SLC39A11: variants seen among roughly 807,000 people sequenced by gnomAD.
SLC39A11 encodes zinc transporter ZIP11.
Under a neutral mutation model 36.1 loss-of-function variants are expected in SLC39A11, and 33 were observed. The ratio of observed to expected loss-of-function variants is 0.91; its 90% confidence interval spans 0.69 to 1.22. SLC39A11 has a LOEUF of 1.22. Ranked by LOEUF, SLC39A11 falls within the 50% of genes most tolerant of loss-of-function variation. SLC39A11 has a pLI of 0.00. For missense variants in SLC39A11, 432 were observed against 430.3 expected, an observed-to-expected ratio of 1.00 and a Z score of -0.03; for synonymous variants, 166 against 170.3, an observed-to-expected ratio of 0.97 and a Z score of 0.20.
intron 7 of SLC39A11, among the ~76,000 whole-genome samples, chr17:72,658,018 G>T (rs909877675): frequency 1.1e-4 from 17 of 152,234 alleles, no homozygotes; most frequent in Admixed American, 1.1e-3. Context: ...AAGCAGAAGG[G>T]ATGGCCTCCC....
chr17:72,862,681 G>C (rs1182574629), intron 5 of SLC39A11, among the ~76,000 whole-genome samples: 9 of 152,142 alleles, frequency 5.9e-5, no homozygotes, highest in African/African-American at 1.9e-4. Context: ...AAAAATGAAG[G>C]TTTGAGAAAT....
At chr17:72,805,353 C>A (rs879925589) in intron 6 of SLC39A11, among the ~76,000 whole-genome samples, 1 of 152,160 alleles carries the variant, frequency 6.6e-6, no homozygotes, top group African/African-American at 2.4e-5. Context: ...TCGACAACTG[C>A]CCCTGCTTGG....
At position 73,026,978 on chromosome 17, in the gene SLC39A11, C is replaced by T. The variant is rs532315958; in HGVS notation, c.306+4578G>A. Among the ~76,000 whole-genome samples the T allele has an allele frequency of 2.9e-3, 437 of 152,048 alleles. 1 individual carries two copies. Among genetic ancestry groups the T allele is most frequent in the Non-Finnish European group, 5.0e-3 (337 of 67,976 alleles). ...TACCAAAAAAAAATTAAAAATTAGC[C>T]GGGCATGGTAGCACACGCCTGTGGT... On this transcript the variant is annotated intron_variant, in intron 4 of 9. Transcript: ENST00000255559.
At position 72,722,286 on chromosome 17, in the gene SLC39A11, G is replaced by A. The variant is rs748543455; in HGVS notation, c.671+14364C>T. Among the ~76,000 whole-genome samples the A allele has an allele frequency of 3.4e-4, 51 of 152,094 alleles. 2 individuals carry two copies. The highest frequency in any genetic ancestry group is 6.8e-4 in the Non-Finnish European group (46 of 68,038). Reference sequence around the variant, plus strand: ...TCTGCACACAGGGAAAGACAACAGGGAAGCAAAAGTCAAGGGAACACATTT... The same window carrying A: ...TCTGCACACAGGGAAAGACAACAGGAAAGCAAAAGTCAAGGGAACACATTT... On this transcript the variant is annotated intron_variant, in intron 7 of 9. Transcript: ENST00000255559.
chr17:72,773,667 ACACACACACACC>A lies in SLC39A11; in HGVS notation c.602-36960_602-36949del, dbSNP rs973134801. ...CTTACACACACACACACACACACACACACACACACACCCAGTATATAAAGGATATCAGTGTCA... is the reference window on the plus strand; with the variant it reads ...CTTACACACACACACACACACACACACAGTATATAAAGGATATCAGTGTCA... On this transcript the variant is annotated intron_variant, in intron 6 of 9. Transcript: ENST00000255559. 9.9e-4 allele frequency among the ~76,000 whole-genome samples: 149 copies of A among 151,266 alleles called. 1 individual carries two copies. In the East Asian group the frequency reaches 0.025, roughly 26 times the overall value.
At chr17:72,700,158 G>A (rs1290134224) in intron 7 of SLC39A11, among the ~76,000 whole-genome samples, 1 of 152,186 alleles carries the variant, frequency 6.6e-6, no homozygotes, top group Non-Finnish European at 1.5e-5. Flanking sequence ...GCGGGAGATG[G>A]GCAAAGTTTG....
chr17:72,951,738 T>C lies in SLC39A11; in HGVS notation c.307-3863A>G, dbSNP rs1455342298. Among the ~76,000 whole-genome samples, 9 of 152,102 alleles carry C rather than the reference T, an allele frequency of 5.9e-5. No individual in the cohort carries two copies. In the East Asian group the frequency reaches 1.5e-3, roughly 26 times the overall value. ...CTGGTTTCTGGTTTGTGCCGGGTGATGTTCCAAGCATTTTACATGTACTAG... is the reference window on the plus strand; with the variant it reads ...CTGGTTTCTGGTTTGTGCCGGGTGACGTTCCAAGCATTTTACATGTACTAG... On this transcript the variant is annotated intron_variant, in intron 4 of 9. Transcript: ENST00000255559.
chr17:72,705,557 C>A (rs1216045468), intron 7 of SLC39A11, among the ~76,000 whole-genome samples: 1 of 152,202 alleles, frequency 6.6e-6, no homozygotes, highest in Non-Finnish European at 1.5e-5. Flanking sequence ...GTTGGCCCAT[C>A]TCTTCCATCT....
chr17:72,719,804 T>G (rs1157004315), intron 7 of SLC39A11, among the ~76,000 whole-genome samples: 1 of 151,814 alleles, frequency 6.6e-6, no homozygotes, highest in Non-Finnish European at 1.5e-5. Context: ...GCCAGGGACT[T>G]GGGTGGGGGT....
intron 5 of SLC39A11, among the ~76,000 whole-genome samples, chr17:72,898,450 C>T (rs7215535): frequency 0.26 from 39,046 of 152,066 alleles, 5,649 homozygotes; most frequent in East Asian, 0.41. Context: ...GGAGGGAAGG[C>T]ATGAATTTCT....
intron 5 of SLC39A11, among the ~76,000 whole-genome samples, chr17:72,927,727 G>GCTCA (rs773277398): frequency 6.6e-6 from 1 of 151,992 alleles, no homozygotes; most frequent in Non-Finnish European, 1.5e-5. Context: ...AGAGCACAGG[G>GCTCA]CTCAGATGGT....
At chr17:72,914,027 G>GGGCCA (rs2083186156) in intron 5 of SLC39A11, among the ~76,000 whole-genome samples, 1 of 149,616 alleles carries the variant, frequency 6.7e-6, no homozygotes, top group Non-Finnish European at 1.5e-5. Context: ...AAAAAAGGCT[G>GGGCCA]GGTGTGGTGA....
At chr17:72,887,863 A>G (rs896497239) in intron 5 of SLC39A11, among the ~76,000 whole-genome samples, 2 of 152,196 alleles carry the variant, frequency 1.3e-5, no homozygotes, top group African/African-American at 4.8e-5. Flanking sequence ...CTCAGTCCTA[A>G]CTAAATACAA....
intron 7 of SLC39A11, among the ~76,000 whole-genome samples, chr17:72,684,156 G>A (rs533684000): frequency 5.3e-5 from 8 of 152,258 alleles, no homozygotes; most frequent in South Asian, 2.1e-4. Flanking sequence ...ATGATTATCC[G>A]TAGGCTCCCT....
intron 7 of SLC39A11, among the ~76,000 whole-genome samples, chr17:72,714,009 A>G (rs2143381598): frequency 6.6e-6 from 1 of 152,340 alleles, no homozygotes; most frequent in South Asian, 2.1e-4. Context: ...AGTCCACCAC[A>G]AAGGCCGTGC....
intron 6 of SLC39A11, among the ~76,000 whole-genome samples, chr17:72,833,516 G>A (rs1304505213): frequency 6.6e-6 from 1 of 152,164 alleles, no homozygotes; most frequent in African/African-American, 2.4e-5. Context: ...GAGGCATTGG[G>A]GGATGAACAG....
At chr17:72,937,329 C>A (rs143590129) in intron 5 of SLC39A11, among the ~76,000 whole-genome samples, 3 of 152,092 alleles carry the variant, frequency 2.0e-5, no homozygotes, top group Non-Finnish European at 4.4e-5. Context: ...GTAGCGCATG[C>A]CTGTAATCCC....
chr17:72,909,757 T>TTC (rs2082869357), intron 5 of SLC39A11, among the ~76,000 whole-genome samples: 1 of 110,712 alleles, frequency 9.0e-6, no homozygotes, highest in East Asian at 2.7e-4. Flanking sequence ...TTTCTTTTTT[T>TTC]TTTTTTGAGA....
chr17:73,084,994 G>A, intron 2 of SLC39A11, 148 bp from the exon 3 acceptor site: 1 of 767,026 alleles, frequency 1.3e-6, no homozygotes, highest in Admixed American at 2.3e-5. Flanking sequence ...TATACCATGG[G>A]CCAAGAACCA....
Sources: allele counts gnomAD v4.1 joint callset (sites outside exome capture counted in the v4.1 genomes callset), GRCh38; gene constraint gnomAD v4.1.1; transcripts MANE v1.5; gene names NCBI Gene and HGNC (gene_info 2026-07-23, HGNC 2026-07-21).